DCT: variants seen among roughly 807,000 people sequenced by gnomAD.
DCT encodes L-dopachrome tautomerase.
In DCT, 47 loss-of-function variants were observed where a neutral mutation model predicts 53.0. The ratio of observed to expected loss-of-function variants is 0.89; its 90% CI spans 0.70 to 1.13. The LOEUF is 1.13. Among genes scored for constraint, DCT ranks in the 50% most tolerant of loss-of-function variants. DCT has a pLI of 0.00. For missense variants in DCT, 669 were observed against 637.4 expected (o/e 1.05, Z -0.53); for synonymous variants, 244 against 237.0 (o/e 1.03, Z -0.27).
At position 94,438,846 on chromosome 13, in the gene DCT, CTG is replaced by C. The variant is rs1882072995; in HGVS notation, c.*1050_*1051del. On this transcript the variant is annotated 3_prime_UTR_variant, in exon 8 of 8. Transcript: ENST00000377028. The stretch of plus-strand genomic sequence containing the variant: ...TTAATTGATCAGCATTCATAAGTAA[CTG>C]TGAGTATTCGGCAACATTAATCAAT... 3.2e-6 allele frequency: 1 copy of C among 315,774 alleles called. No homozygotes were observed. The highest frequency in any genetic ancestry group is 4.3e-5 in the Admixed American group (1 of 23,202). 19.6% of individuals were successfully genotyped at this position (315,774 alleles called of 1,614,324 possible). A position where few individuals can be genotyped will look rare whatever the true frequency, so the allele number is the denominator to read the frequency against.
At chr13:94,443,012 C>T (rs1298264456) in intron 7 of DCT, among the ~76,000 whole-genome samples, 1 of 152,170 alleles carries the variant, frequency 6.6e-6, no homozygotes, top group African/African-American at 2.4e-5. Context: ...TCACCCTAAT[C>T]CCAGCCCTGC....
chr13:94,456,042 A>G (rs1883393512), intron 6 of DCT, among the ~76,000 whole-genome samples: 1 of 152,236 alleles, frequency 6.6e-6, no homozygotes, highest in Non-Finnish European at 1.5e-5. Context: ...GACGATAGCC[A>G]GAAAAAATGA....
At chr13:94,452,578 A>C in intron 6 of DCT, 1 of 748,834 alleles carries the variant, frequency 1.3e-6, no homozygotes, top group Admixed American at 1.9e-5. Flanking sequence ...TTTACCCTTT[A>C]AGCCAGGGAT....
chr13:94,526,522 C>T, the DCT span, among the ~76,000 whole-genome samples: 6 of 152,116 alleles, frequency 3.9e-5, no homozygotes, highest in South Asian at 4.2e-4. Context: ...TGTAGCTACT[C>T]GGGAGGCTGA....
the DCT span, among the ~76,000 whole-genome samples, chr13:94,544,912 T>A: frequency 6.6e-6 from 1 of 152,202 alleles, no homozygotes; most frequent in African/African-American, 2.4e-5. Context: ...GGTTTTATTA[T>A]GTATAACAAT....
intron 1 of DCT, among the ~76,000 whole-genome samples, chr13:94,474,728 C>CT (rs1289562953): frequency 1.3e-5 from 2 of 152,130 alleles, no homozygotes; most frequent in Non-Finnish European, 2.9e-5. Context: ...AGCTCAGTGG[C>CT]TTTTTTGTTT....
At position 94,478,641 on chromosome 13, in the gene DCT, G is replaced by C. The variant is rs372737530; in HGVS notation, c.295+320C>G. On this transcript the variant is annotated intron_variant, in intron 1 of 7. Coordinates refer to ENST00000377028, the MANE Select transcript of DCT (RefSeq NM_001922.5). ...CACCGAATCCATCTTGAAAGGACTT[G>C]CTCCGAGTTTCAAAGCTGACGCTTT... is the stretch of plus-strand genomic sequence containing the variant. Among the ~76,000 whole-genome samples the C allele has an allele frequency of 2.0e-5, 3 of 152,230 alleles. No individual in the cohort carries two copies. In the East Asian group the frequency reaches 5.8e-4, roughly 29 times the overall value.
the DCT span, among the ~76,000 whole-genome samples, chr13:94,530,669 C>G: frequency 1.3e-5 from 2 of 151,858 alleles, no homozygotes; most frequent in South Asian, 2.1e-4. Flanking sequence ...TATGACAAAC[C>G]CACAGCCAAT....
At chr13:94,518,794 G>T in the DCT span, among the ~76,000 whole-genome samples, 133 of 152,280 alleles carry the variant, frequency 8.7e-4, no homozygotes, top group African/African-American at 3.1e-3. Context: ...ATATATTCCA[G>T]TTCTTCATAG....
At chr13:94,502,026 CCA>C in the DCT span, among the ~76,000 whole-genome samples, 43 of 97,686 alleles carry the variant, frequency 4.4e-4, no homozygotes, top group African/African-American at 4.9e-4. Flanking sequence ...TTCCATAGCC[CCA>C]GCCCCCACTT....
the DCT span, among the ~76,000 whole-genome samples, chr13:94,514,379 C>G: frequency 6.6e-6 from 1 of 152,224 alleles, no homozygotes; most frequent in Admixed American, 6.5e-5. Context: ...ACCCCTTCCT[C>G]TTGTTTCCCT....
chr13:94,547,269 A>ACCACG, the DCT span, among the ~76,000 whole-genome samples: 1 of 151,916 alleles, frequency 6.6e-6, no homozygotes, highest in African/African-American at 2.4e-5. Context: ...GGCTTGTACC[A>ACCACG]CCACGCCCAG....
At chr13:94,464,724 T>C (rs1318409355) in intron 4 of DCT, among the ~76,000 whole-genome samples, 5 of 152,060 alleles carry the variant, frequency 3.3e-5, no homozygotes, top group African/African-American at 1.2e-4. Context: ...AGGAGCCTCT[T>C]GGGAAATTTT....
chr13:94,482,389 G>C (rs971872578), upstream of DCT, among the ~76,000 whole-genome samples: 2 of 152,094 alleles, frequency 1.3e-5, no homozygotes, highest in Non-Finnish European at 2.9e-5. Context: ...CCTTTGTCTT[G>C]CCATTCCCTC....
the DCT span, among the ~76,000 whole-genome samples, chr13:94,548,233 T>C: frequency 6.6e-6 from 1 of 151,870 alleles, no homozygotes; most frequent in African/African-American, 2.4e-5. Context: ...ATGTATAAAA[T>C]GGGGATAATA....
At chr13:94,490,562 C>T in the DCT span, among the ~76,000 whole-genome samples, 8 of 133,818 alleles carry the variant, frequency 6.0e-5, no homozygotes. Context: ...GTCTGTCTGA[C>T]ATTTGCTTTA....
the DCT span, among the ~76,000 whole-genome samples, chr13:94,512,889 G>A: frequency 1.3e-5 from 2 of 152,222 alleles, no homozygotes; most frequent in Non-Finnish European, 2.9e-5. Flanking sequence ...GTGGATCATT[G>A]TAGCCAGAGG....
the DCT span, among the ~76,000 whole-genome samples, chr13:94,529,357 G>A: frequency 6.0e-4 from 91 of 152,130 alleles, 1 homozygote; most frequent in African/African-American, 1.9e-3. Context: ...GTACCACATC[G>A]CACTTATTCT....
chr13:94,512,569 A>G, the DCT span, among the ~76,000 whole-genome samples: 402 of 152,368 alleles, frequency 2.6e-3, 6 homozygotes, highest in Admixed American at 0.015. Context: ...TTAGTGAAAC[A>G]CATGTAGTAT....
Sources: gnomAD v4.1 joint callset for allele counts (sites outside exome capture counted in the v4.1 genomes callset) on GRCh38, gnomAD v4.1.1 for gene constraint, MANE v1.5 for transcripts, NCBI Gene and HGNC (gene_info 2026-07-23, HGNC 2026-07-21) for gene names.